The following ANKS1B variants were observed in gnomAD, a reference collection of about 807,000 sequenced individuals.
The protein encoded by ANKS1B is ankyrin repeat and sterile alpha motif domain-containing protein 1B.
In ANKS1B, 36 loss-of-function variants were observed where a neutral mutation model predicts 148.3. The ratio of observed to expected loss-of-function variants is 0.24; its 90% CI spans 0.19 to 0.32. The LOEUF is 0.32. Among genes scored for constraint, ANKS1B ranks in the 10% least tolerant of loss-of-function variants. The pLI is 1.00. For missense variants in ANKS1B, 1,157 were observed against 1,542.6 expected (o/e 0.75, Z 4.19); for synonymous variants, 542 against 560.8 (o/e 0.97, Z 0.47).
intron 14 of ANKS1B, among the ~76,000 whole-genome samples, chr12:99,175,643 T>TA: frequency 6.6e-6 from 1 of 152,192 alleles, no homozygotes; most frequent in Non-Finnish European, 1.5e-5. Context: ...TACTTCATAG[T>TA]AAAAAATAGG....
intron 8 of ANKS1B, among the ~76,000 whole-genome samples, chr12:99,702,966 G>T (rs1038051171): frequency 4.0e-5 from 6 of 151,882 alleles, no homozygotes; most frequent in African/African-American, 1.4e-4. Flanking sequence ...GAAAGACAGG[G>T]TCTAATTTCA....
chr12:99,458,546 C>CA (rs1235912896), intron 10 of ANKS1B, among the ~76,000 whole-genome samples: 2 of 150,892 alleles, frequency 1.3e-5, no homozygotes, highest in East Asian at 3.9e-4. Flanking sequence ...AGAGAAGATC[C>CA]AAATAAGTGC....
intron 4 of ANKS1B, among the ~76,000 whole-genome samples, chr12:99,785,116 A>G (rs2064861861): frequency 6.6e-6 from 1 of 152,192 alleles, no homozygotes; most frequent in African/African-American, 2.4e-5. Flanking sequence ...GTAGTGCAGG[A>G]TAAGACTGAT....
At position 99,237,294 on chromosome 12, in the gene ANKS1B, G is replaced by A. The variant is rs528783666; in HGVS notation, c.2419+7048C>T. Among the ~76,000 whole-genome samples the A allele has an allele frequency of 2.4e-4, 36 of 152,090 alleles. 1 individual carries two copies. The highest frequency in any genetic ancestry group is 3.4e-3 in the Middle Eastern group (1 of 294). On this transcript the variant is annotated intron_variant, in intron 14 of 26. Transcript: ENST00000683438. ...ACTAAAATAGTCATTATACCCAGCT[G>A]TATAGGCCCAGCTATATACATATAT...
chr12:99,444,019 T>C (rs991221407), intron 10 of ANKS1B, among the ~76,000 whole-genome samples: 1 of 151,972 alleles, frequency 6.6e-6, no homozygotes, highest in African/African-American at 2.4e-5. Context: ...TATCACCCCC[T>C]GGAATGTTGT....
chr12:99,565,902 C>G (rs932153438), intron 9 of ANKS1B, among the ~76,000 whole-genome samples: 1 of 152,152 alleles, frequency 6.6e-6, no homozygotes, highest in African/African-American at 2.4e-5. Flanking sequence ...ATCTTGGCTT[C>G]CTGCTGAGAG....
intron 25 of ANKS1B, among the ~76,000 whole-genome samples, chr12:98,752,870 T>C (rs1426753642): frequency 6.6e-6 from 1 of 152,194 alleles, no homozygotes; most frequent in Non-Finnish European, 1.5e-5. Context: ...AGTTTGGGTC[T>C]TTTTACCTCA....
chr12:99,754,278 T>C (rs928292511), intron 8 of ANKS1B, among the ~76,000 whole-genome samples: 2 of 152,058 alleles, frequency 1.3e-5, no homozygotes, highest in Non-Finnish European at 2.9e-5. Context: ...CATTACATAA[T>C]CATAAAGGGT....
chr12:99,155,195 C>T, intron 14 of ANKS1B: 1 of 1,251,562 alleles, frequency 8.0e-7, no homozygotes, highest in Admixed American at 3.1e-5. Context: ...TTCTCCTTTT[C>T]CTTTCTTTCC....
chr12:99,578,698 A>G (rs1185414436), intron 9 of ANKS1B, among the ~76,000 whole-genome samples: 1 of 152,124 alleles, frequency 6.6e-6, no homozygotes, highest in African/African-American at 2.4e-5. Flanking sequence ...GAAATGAGAG[A>G]CAACATAAAC....
At chr12:99,305,455 G>A (rs2082211527) in intron 12 of ANKS1B, among the ~76,000 whole-genome samples, 1 of 152,038 alleles carries the variant, frequency 6.6e-6, no homozygotes, top group African/African-American at 2.4e-5. Flanking sequence ...TGTTTCCCTA[G>A]CATAATGATG....
intron 1 of ANKS1B, among the ~76,000 whole-genome samples, chr12:99,973,898 A>T (rs2095593281): frequency 6.6e-6 from 1 of 152,232 alleles, no homozygotes; most frequent in South Asian, 2.1e-4. Context: ...TCAACAAAGG[A>T]TTTATAACAT....
At chr12:99,640,434 T>A (rs1355471418) in intron 9 of ANKS1B, among the ~76,000 whole-genome samples, 2 of 151,894 alleles carry the variant, frequency 1.3e-5, no homozygotes, top group Non-Finnish European at 2.9e-5. Flanking sequence ...AATTAGACCA[T>A]GAGGACTTTG....
chr12:98,906,188 G>C (rs912415931), intron 17 of ANKS1B, among the ~76,000 whole-genome samples: 6 of 152,166 alleles, frequency 3.9e-5, no homozygotes, highest in African/African-American at 1.4e-4. Flanking sequence ...CTATGATGTA[G>C]AACAAGAAGT....
rs374802795 is a variant in ANKS1B at position 99,862,417 on chromosome 12, G to A, written c.135-37028C>T. 9.2e-5 allele frequency among the ~76,000 whole-genome samples: 14 copies of A among 152,106 alleles called. No individual in the cohort carries two copies. The East Asian group carries it at 9.6e-4, about 10-fold the overall frequency. On this transcript the variant is annotated intron_variant, in intron 1 of 26. Coordinates refer to ENST00000683438, the MANE Select transcript of ANKS1B (RefSeq NM_001352186.2). Reference sequence around the variant, plus strand: ...TGTGTTATTTATATAATATCAAAAAGAAAAAGCACAAAGGTAGACTCAAGA... The same window carrying A: ...TGTGTTATTTATATAATATCAAAAAAAAAAAGCACAAAGGTAGACTCAAGA...
intron 8 of ANKS1B, among the ~76,000 whole-genome samples, chr12:99,765,338 G>T (rs1254011629): frequency 6.6e-6 from 1 of 152,094 alleles, no homozygotes; most frequent in Admixed American, 6.5e-5. Flanking sequence ...ATTATAGTTT[G>T]GTCACTGTTT....
intron 1 of ANKS1B, among the ~76,000 whole-genome samples, chr12:99,959,439 A>C (rs1231177398): frequency 6.6e-6 from 1 of 152,014 alleles, no homozygotes; most frequent in Non-Finnish European, 1.5e-5. Context: ...TCAAGTGAAA[A>C]GATTACAAAT....
intron 9 of ANKS1B, among the ~76,000 whole-genome samples, chr12:99,511,653 C>T (rs1000223934): frequency 2.0e-5 from 3 of 152,042 alleles, no homozygotes; most frequent in African/African-American, 7.2e-5. Context: ...CGCTACCTGA[C>T]TTCAAACTAT....
chr12:99,191,785 A>G (rs7964116), intron 14 of ANKS1B, among the ~76,000 whole-genome samples: 10,525 of 152,196 alleles, frequency 0.069, 779 homozygotes, highest in African/African-American at 0.19. Context: ...TGGCACGTGT[A>G]TACCTATGTA....
Sources: gnomAD v4.1 joint callset for allele counts (sites outside exome capture counted in the v4.1 genomes callset) on GRCh38, gnomAD v4.1.1 for gene constraint, MANE v1.5 for transcripts, NCBI Gene and HGNC (gene_info 2026-07-23, HGNC 2026-07-21) for gene names.